PRH1: variants seen among roughly 807,000 people sequenced by gnomAD.
PRH1 encodes proline rich protein HaeIII subfamily 1.
Under a neutral mutation model 7.9 loss-of-function variants are expected in PRH1, and 7 were observed. That is an observed-to-expected ratio of 0.89 (90% CI 0.50 to 1.67). The LOEUF (loss-of-function observed/expected upper bound fraction) is 1.67. Ranked by LOEUF, PRH1 falls within the 40% of genes most tolerant of loss-of-function variation. The pLI, the probability that PRH1 is intolerant of heterozygous loss-of-function variation, is 0.00. For missense variants in PRH1, 109 were observed against 223.6 expected, an observed-to-expected ratio of 0.49 and a Z score of 3.27; for synonymous variants, 45 against 80.8, an observed-to-expected ratio of 0.56 and a Z score of 2.38.
chr12:10,997,420 A>G lies in PRH1; in HGVS notation c.-125-23699T>C, dbSNP rs750707899. The G allele has an allele frequency of 6.1e-5, 99 of 1,613,946 alleles. 1 individual carries two copies. The Admixed American group carries it at 1.6e-3, about 26-fold the overall frequency. ...TTCCTTCACATTCTTCTGTCCACAC[A>G]TTTATATACGTGTGTTTCATCACAA... On this transcript the variant is annotated intron_variant, in intron 1 of 3. Coordinates refer to the PRH1 transcript ENST00000539853.
chr12:10,918,628 G>A (rs888548438), intron 2 of PRH1, among the ~76,000 whole-genome samples: 2 of 152,186 alleles, frequency 1.3e-5, no homozygotes, highest in Non-Finnish European at 2.9e-5. Flanking sequence ...ATGCACCAAT[G>A]TAAGCTCTCA....
chr12:11,171,202 G>A (rs1947829685), intron 1 of PRH1: 3 of 422,834 alleles, frequency 7.1e-6, no homozygotes, highest in South Asian at 2.7e-4. Flanking sequence ...GGGGCTACGC[G>A]CCGCACTGCA....
chr12:11,133,918 C>T, intron 1 of PRH1: 1 of 1,614,138 alleles, frequency 6.2e-7, no homozygotes, highest in South Asian at 1.1e-5. Flanking sequence ...AATTGGCAAT[C>T]CTGAGCAAAT....
intron 1 of PRH1, among the ~76,000 whole-genome samples, chr12:11,086,410 T>A (rs1263140252): frequency 8.5e-6 from 1 of 118,038 alleles, no homozygotes; most frequent in Non-Finnish European, 2.0e-5. Context: ...TTTAATTTAT[T>A]TTTGATTATG....
chr12:11,076,121 G>T lies in PRH1; in HGVS notation n.124-28933C>A, dbSNP rs1427242581. ...CAGATGAGGAGTTGACTTATTTTAA[G>T]TTTTACATAACAATGTTAAAATCTC... On this transcript the variant is annotated intron_variant and non_coding_transcript_variant, in intron 1 of 4. Transcript: ENST00000541977. 2.6e-5 allele frequency among the ~76,000 whole-genome samples: 3 copies of T among 115,938 alleles called. 1 individual carries two copies. Among genetic ancestry groups the T allele is most frequent in the Admixed American group, 8.7e-5 (1 of 11,530 alleles). The allele number at this position is 115,938 out of a possible 152,430, so 76.1% of individuals were successfully genotyped here.
intron 2 of PRH1, among the ~76,000 whole-genome samples, chr12:10,921,742 C>T (rs1256945995): frequency 6.6e-6 from 1 of 152,070 alleles, no homozygotes; most frequent in Non-Finnish European, 1.5e-5. Flanking sequence ...GGGAAATTTA[C>T]TTAACCTTGC....
At chr12:10,939,993 T>C (rs999470108) in intron 2 of PRH1, among the ~76,000 whole-genome samples, 8 of 152,078 alleles carry the variant, frequency 5.3e-5, no homozygotes, top group Non-Finnish European at 1.0e-4. Flanking sequence ...GCAAGTAAAA[T>C]ATGTCAATTT....
intron 1 of PRH1, among the ~76,000 whole-genome samples, chr12:11,065,873 G>A (rs1289108713): frequency 9.9e-5 from 15 of 152,214 alleles, no homozygotes; most frequent in East Asian, 1.9e-4. Flanking sequence ...AGCTTTTTTT[G>A]GATAGTAGCT....
At chr12:11,133,295 C>T in intron 1 of PRH1, 1 of 1,608,740 alleles carries the variant, frequency 6.2e-7, no homozygotes, top group East Asian at 2.2e-5. Context: ...CTAGAAGACA[C>T]ACAATGCCCC....
chr12:11,158,135 GT>G (rs750055592), intron 1 of PRH1, among the ~76,000 whole-genome samples: 2 of 151,590 alleles, frequency 1.3e-5, no homozygotes, highest in East Asian at 1.9e-4. Context: ...ACAGTGCTGG[GT>G]TTTTTTTCTT....
At chr12:10,939,102 C>T (rs1397844909) in intron 2 of PRH1, 1 of 1,613,830 alleles carries the variant, frequency 6.2e-7, no homozygotes, top group Non-Finnish European at 8.5e-7. Context: ...CTTCCCTTGA[C>T]CCAGTCAATA....
intron 2 of PRH1, among the ~76,000 whole-genome samples, chr12:10,956,083 A>G (rs1466868838): frequency 6.6e-6 from 1 of 152,140 alleles, no homozygotes; most frequent in East Asian, 1.9e-4. Flanking sequence ...CTCATTCTAC[A>G]AGGCTAATAT....
At position 10,981,375 on chromosome 12, in the gene PRH1, T is replaced by A. The variant is rs867741030; in HGVS notation, c.-125-7654A>T. On this transcript the variant is annotated intron_variant, in intron 1 of 3. Transcript: ENST00000539853. ...AATTTTTACTTCTGGATTTTTTTTT[T>A]TTTTTTTTTTTTTTTTGAGGTGGAG... is the stretch of plus-strand genomic sequence containing the variant. Among the ~76,000 whole-genome samples the A allele has an allele frequency of 5.6e-5, 8 of 143,980 alleles. No individual in the cohort carries two copies. The South Asian group carries it at 1.8e-3, about 33-fold the overall frequency. The allele number at this position is 143,980 out of a possible 152,430, so 94.5% of individuals were successfully genotyped here.
At chr12:10,884,282 A>C, upstream of PRH1, 1 of 1,607,580 alleles carries the variant, frequency 6.2e-7, no homozygotes, top group Non-Finnish European at 8.5e-7. Flanking sequence ...CTCCCTTTAT[A>C]AAGACAAGCA....
At chr12:10,952,254 C>G (rs80316384) in intron 2 of PRH1, among the ~76,000 whole-genome samples, 3,001 of 152,202 alleles carry the variant, frequency 0.02, 33 homozygotes, top group South Asian at 0.031. Flanking sequence ...CAACAACTAG[C>G]ATAAGATAAA....
At chr12:11,158,536 C>T (rs1947320808) in intron 1 of PRH1, among the ~76,000 whole-genome samples, 1 of 151,668 alleles carries the variant, frequency 6.6e-6, no homozygotes, top group Non-Finnish European at 1.5e-5. Context: ...TCTTTTTCTC[C>T]AAGTCTCACA....
chr12:11,051,660 T>A (rs1943150144), upstream of PRH1, among the ~76,000 whole-genome samples: 1 of 152,240 alleles, frequency 6.6e-6, no homozygotes. Context: ...AAATTTTTCT[T>A]TATACTTTAC....
chr12:10,976,118 C>A (rs1169749953), intron 1 of PRH1, among the ~76,000 whole-genome samples: 1 of 152,182 alleles, frequency 6.6e-6, no homozygotes, highest in South Asian at 2.1e-4. Context: ...ACAGAACACA[C>A]ATTCTTCTCA....
intron 1 of PRH1, among the ~76,000 whole-genome samples, chr12:11,084,221 C>T (rs573178497): frequency 1.1e-4 from 5 of 45,452 alleles, no homozygotes; most frequent in Middle Eastern, 0.018. Context: ...CACCCTTCTG[C>T]ACCCTTCTGC....
Sources: allele counts gnomAD v4.1 joint callset (sites outside exome capture counted in the v4.1 genomes callset), GRCh38; gene constraint gnomAD v4.1.1; transcripts MANE v1.5; gene names NCBI Gene and HGNC (gene_info 2026-07-23, HGNC 2026-07-21).